MXI1: variants seen among roughly 807,000 people sequenced by gnomAD.
MXI1 encodes MAX interactor 1, dimerization protein.
Under a neutral mutation model 36.9 loss-of-function variants are expected in MXI1, and 18 were observed. The ratio of observed to expected loss-of-function variants is 0.49; its 90% CI spans 0.34 to 0.72. The LOEUF (loss-of-function observed/expected upper bound fraction) is 0.72. MXI1 is among the 30% of genes least tolerant of loss of function. The probability of loss-of-function intolerance (pLI) is 0.01; values close to 1 mark genes in which losing one functional copy is unlikely to be tolerated. For missense variants in MXI1, 304 were observed against 379.1 expected, an observed-to-expected ratio of 0.80 and a Z score of 1.64; for synonymous variants, 160 against 146.7, an observed-to-expected ratio of 1.09 and a Z score of -0.65.
intron 2 of MXI1, among the ~76,000 whole-genome samples, chr10:110,237,409 T>A (rs1855512346): frequency 6.6e-6 from 1 of 152,232 alleles, no homozygotes; most frequent in Non-Finnish European, 1.5e-5. Context: ...GATGGTAAAT[T>A]TTATTTAAAT....
At chr10:110,216,958 G>A (rs758385059) in intron 1 of MXI1, among the ~76,000 whole-genome samples, 3 of 151,958 alleles carry the variant, frequency 2.0e-5, no homozygotes, top group Non-Finnish European at 4.4e-5. Context: ...ATGAGCCACC[G>A]TGCCCGGCCT....
intron 3 of MXI1, among the ~76,000 whole-genome samples, chr10:110,260,462 C>A (rs74778952): frequency 6.9e-6 from 1 of 144,544 alleles, no homozygotes; most frequent in Admixed American, 6.9e-5. Context: ...TGTGTGTATA[C>A]GCCCACAGAT....
At chr10:110,272,221 T>C (rs1008658164) in intron 3 of MXI1, among the ~76,000 whole-genome samples, 1 of 152,220 alleles carries the variant, frequency 6.6e-6, no homozygotes, top group African/African-American at 2.4e-5. Context: ...CATTGGAGCA[T>C]ATCAGACTTA....
intron 3 of MXI1, among the ~76,000 whole-genome samples, chr10:110,251,905 G>A (rs76875985): frequency 0.052 from 7,981 of 152,110 alleles, 319 homozygotes; most frequent in Middle Eastern, 0.15. Context: ...CTGAAAAGGT[G>A]GTTTGGAATT....
chr10:110,226,047 C>G, intron 1 of MXI1: 1 of 985,624 alleles, frequency 1.0e-6, no homozygotes, highest in South Asian at 4.7e-5. Flanking sequence ...GCTGGCGCGG[C>G]TGGGGCGGCA....
intron 3 of MXI1, among the ~76,000 whole-genome samples, chr10:110,258,932 A>G (rs972661379): frequency 6.6e-6 from 1 of 151,036 alleles, no homozygotes; most frequent in African/African-American, 2.4e-5. Context: ...CAAAGACTGA[A>G]TTGTAGGAAC....
rs144104682 is a variant in MXI1, at chr10:110,220,858, C to T, written c.275-7331C>T. ...AAAACAATAACACACCGTGGCTGAC[C>T]AGGTTATTTGCCAGATATTGCTGAA... On this transcript the variant is annotated intron_variant, in intron 1 of 5. Transcript: ENST00000332674. Among the ~76,000 whole-genome samples, 559 of 152,294 alleles carry T rather than the reference C, an allele frequency of 3.7e-3. 5 individuals are homozygous for T. Among genetic ancestry groups the T allele is most frequent in the African/African-American group, 0.013 (542 of 41,556 alleles).
At chr10:110,270,136 T>C (rs1350408925) in intron 3 of MXI1, among the ~76,000 whole-genome samples, 2 of 152,266 alleles carry the variant, frequency 1.3e-5, no homozygotes, top group Non-Finnish European at 2.9e-5. Context: ...GAAAATAAGC[T>C]ATTTTGTATT....
At chr10:110,226,071 G>T in intron 1 of MXI1, 1 of 1,000,472 alleles carries the variant, frequency 1.0e-6, no homozygotes, top group Non-Finnish European at 1.2e-6. Flanking sequence ...GCGGCGGAGA[G>T]CGCGCCGAGC....
In MXI1 at chr10:110,244,967, A is replaced by G. The variant is rs1855811283; in HGVS notation, c.437+110A>G. ...ATGTAGTTGTAATTTTATTTTTCAG[A>G]TGTATAGCCCATTGTGAATCTGATA... On this transcript the variant is annotated intron_variant, in intron 3 of 5. Coordinates refer to ENST00000332674, the MANE Select transcript of MXI1 (RefSeq NM_130439.3). 10 of 1,082,690 alleles carry G rather than the reference A, an allele frequency of 9.2e-6. No homozygotes were observed. In the East Asian group the frequency reaches 2.3e-4, roughly 25 times the overall value. 67.1% of individuals were successfully genotyped at this position (1,082,690 alleles called of 1,614,324 possible). A position where few individuals can be genotyped will look rare whatever the true frequency, so the allele number is the denominator to read the frequency against.
chr10:110,225,539 C>T (rs1352748115), intron 1 of MXI1, among the ~76,000 whole-genome samples: 1 of 152,116 alleles, frequency 6.6e-6, no homozygotes, highest in Non-Finnish European at 1.5e-5. Flanking sequence ...TCTTATTTTG[C>T]AGATGAGCAA....
chr10:110,217,804 C>T (rs1296900522), intron 1 of MXI1, among the ~76,000 whole-genome samples: 1 of 152,192 alleles, frequency 6.6e-6, no homozygotes, highest in Non-Finnish European at 1.5e-5. Flanking sequence ...TGTCTGTCTT[C>T]TGGGAGAGTG....
chr10:110,271,175 T>G (rs771337469), intron 3 of MXI1, among the ~76,000 whole-genome samples: 3 of 151,996 alleles, frequency 2.0e-5, no homozygotes, highest in Non-Finnish European at 2.9e-5. Flanking sequence ...TTTGGTGGTA[T>G]GCACCTTATT....
chr10:110,219,254 C>G (rs539714898), intron 1 of MXI1, among the ~76,000 whole-genome samples: 1 of 152,268 alleles, frequency 6.6e-6, no homozygotes, highest in South Asian at 2.1e-4. Flanking sequence ...GAGCCAAGGT[C>G]GTGCCACTGC....
intron 1 of MXI1, chr10:110,210,255 A>T (rs1399310086): frequency 1.0e-6 from 1 of 984,610 alleles, no homozygotes; most frequent in African/African-American, 1.8e-5. Context: ...TCCGCCCTGC[A>T]AATCTGCCAG....
intron 2 of MXI1, 51 bp from the exon 3 acceptor site, chr10:110,244,777 A>G: frequency 6.6e-7 from 1 of 1,505,328 alleles, no homozygotes; most frequent in South Asian, 1.2e-5. Flanking sequence ...GTCTTTCTAT[A>G]GCTTTAGCAA....
At chr10:110,252,806 GA>G (rs1326474211) in intron 3 of MXI1, among the ~76,000 whole-genome samples, 2 of 152,046 alleles carry the variant, frequency 1.3e-5, no homozygotes, top group Admixed American at 1.3e-4. Context: ...AAGTGATGAA[GA>G]TATATACTCT....
rs188139279 is a variant in MXI1, at chr10:110,251,416, A to G, written c.437+6559A>G. Among the ~76,000 whole-genome samples, 67 of 152,250 alleles carry G rather than the reference A, an allele frequency of 4.4e-4. 2 individuals are homozygous for G. The East Asian group carries it at 0.012, about 26-fold the overall frequency. On this transcript the variant is annotated intron_variant, in intron 3 of 5. Coordinates refer to ENST00000332674, the MANE Select transcript of MXI1 (RefSeq NM_130439.3). ...ACCCTATTCTATTCTAGTTAAGGTT[A>G]AGGTCATTATAGTTTGGTATTTATA...
chr10:110,209,306 AGTGTGTGTGTGTACGTGTGCGCGT>A (rs1854446667), intron 1 of MXI1, among the ~76,000 whole-genome samples: 1 of 151,852 alleles, frequency 6.6e-6, no homozygotes, highest in Admixed American at 6.6e-5. Flanking sequence ...ATGAGGCGCG[AGTGTGTGTGTGTACGTGTGCGCGT>A]GTGTGTGTGA....
Sources: gnomAD v4.1 joint callset for allele counts (sites outside exome capture counted in the v4.1 genomes callset) on GRCh38, gnomAD v4.1.1 for gene constraint, MANE v1.5 for transcripts, NCBI Gene and HGNC (gene_info 2026-07-23, HGNC 2026-07-21) for gene names.